Variants in RAD51B observed in about 807,000 individuals in gnomAD.
RAD51B encodes RAD51 paralog B.
Under a neutral mutation model 42.2 loss-of-function variants are expected in RAD51B, and 38 were observed. The ratio of observed to expected loss-of-function variants is 0.90; its 90% CI spans 0.70 to 1.18. The LOEUF (loss-of-function observed/expected upper bound fraction) is 1.18. RAD51B is among the 50% of genes most tolerant of loss of function. The pLI is 0.00. For missense variants in RAD51B, 373 were observed against 400.7 expected (o/e 0.93, Z 0.59); for synonymous variants, 154 against 145.2 (o/e 1.06, Z -0.43).
chr14:68,405,862 C>A (rs1443293584), intron 8 of RAD51B, among the ~76,000 whole-genome samples: 1 of 145,780 alleles, frequency 6.9e-6, no homozygotes, highest in Non-Finnish European at 1.5e-5. Context: ...AGTTTGAGTG[C>A]TTAACTAGCA....
At chr14:68,145,070 T>C (rs1232552937) in intron 7 of RAD51B, among the ~76,000 whole-genome samples, 1 of 152,214 alleles carries the variant, frequency 6.6e-6, no homozygotes, top group Non-Finnish European at 1.5e-5. Flanking sequence ...TGGTAAAACA[T>C]TAGAGCTGGA....
At chr14:67,932,487 G>A (rs1230803078) in intron 7 of RAD51B, among the ~76,000 whole-genome samples, 2 of 152,124 alleles carry the variant, frequency 1.3e-5, no homozygotes, top group Non-Finnish European at 2.9e-5. Context: ...AGCACAGTGT[G>A]CAGTGGCACT....
At chr14:68,312,685 A>G (rs114482704) in intron 8 of RAD51B, among the ~76,000 whole-genome samples, 2,758 of 152,256 alleles carry the variant, frequency 0.018, 81 homozygotes, top group African/African-American at 0.059. Flanking sequence ...ATCAAACTTT[A>G]AATGTTTCTC....
intron 7 of RAD51B, among the ~76,000 whole-genome samples, chr14:68,193,181 A>G (rs2079301473): frequency 1.3e-5 from 2 of 152,106 alleles, no homozygotes; most frequent in Non-Finnish European, 2.9e-5. Context: ...TAGTGTTGTT[A>G]CCCCAGACTA....
intron 7 of RAD51B, among the ~76,000 whole-genome samples, chr14:68,263,540 A>G (rs1007193355): frequency 6.6e-6 from 1 of 152,214 alleles, no homozygotes; most frequent in Non-Finnish European, 1.5e-5. Flanking sequence ...CTAATTTTAC[A>G]TTTTTAGATT....
chr14:67,839,955 TA>T lies in RAD51B; in HGVS notation c.315+4766del, dbSNP rs557337616. On this transcript the variant is annotated intron_variant, in intron 4 of 10. Transcript: ENST00000471583. ...TTTTAAAATATCTAAATTACTTAAT[TA>T]AAAAAATTTATTTTAATTACATTAT... 2.4e-3 allele frequency among the ~76,000 whole-genome samples: 370 copies of T among 152,198 alleles called. 3 individuals are homozygous for T. The highest frequency in any genetic ancestry group is 2.0e-3 in the Non-Finnish European group (138 of 67,984).
At chr14:68,249,285 C>T (rs985597211) in intron 7 of RAD51B, among the ~76,000 whole-genome samples, 16 of 152,058 alleles carry the variant, frequency 1.1e-4, no homozygotes, top group African/African-American at 1.2e-4. Flanking sequence ...ACTTGGGCTG[C>T]GGAAATACTT....
At chr14:68,496,283 C>A (rs1484680302) in intron 10 of RAD51B, among the ~76,000 whole-genome samples, 1 of 152,214 alleles carries the variant, frequency 6.6e-6, no homozygotes, top group Non-Finnish European at 1.5e-5. Context: ...AAATGTAAGA[C>A]CCTTTCCAGC....
chr14:67,872,136 G>A (rs1212953913), intron 5 of RAD51B, among the ~76,000 whole-genome samples: 1 of 150,486 alleles, frequency 6.6e-6, no homozygotes, highest in African/African-American at 2.5e-5. Flanking sequence ...TAGGAAAAGA[G>A]GAAGTCAAAT....
intron 7 of RAD51B, among the ~76,000 whole-genome samples, chr14:67,947,002 T>A (rs1206757834): frequency 6.6e-6 from 1 of 152,224 alleles, no homozygotes; most frequent in East Asian, 1.9e-4. Flanking sequence ...AAAATAGTAA[T>A]CTTTTAATAG....
chr14:67,824,190 G>C (rs981045979), intron 2 of RAD51B, among the ~76,000 whole-genome samples: 1 of 152,208 alleles, frequency 6.6e-6, no homozygotes, highest in Non-Finnish European at 1.5e-5. Flanking sequence ...CTCCCAGCTA[G>C]CTGGGATTAC....
In RAD51B at chr14:67,992,707, T is replaced by C. The variant is rs189465688; in HGVS notation, c.756+105503T>C. On this transcript the variant is annotated intron_variant, in intron 7 of 10. Coordinates refer to ENST00000471583, the MANE Select transcript of RAD51B (RefSeq NM_133510.4). ...TTTATTCTTATCTACTCCTAAAATA[T>C]CTTTATGAAGTTAAAAGGACTTAAC... 2.4e-4 allele frequency among the ~76,000 whole-genome samples: 36 copies of C among 152,288 alleles called. No homozygotes were observed. In the East Asian group the frequency reaches 6.0e-3, roughly 25 times the overall value.
chr14:68,200,369 A>G (rs1225071111), intron 7 of RAD51B, among the ~76,000 whole-genome samples: 2 of 152,230 alleles, frequency 1.3e-5, no homozygotes, highest in Non-Finnish European at 2.9e-5. Context: ...TTCTTGGAGA[A>G]GGCAGTGAAC....
intron 7 of RAD51B, among the ~76,000 whole-genome samples, chr14:67,942,269 A>T (rs1236881950): frequency 6.6e-6 from 1 of 152,194 alleles, no homozygotes; most frequent in East Asian, 1.9e-4. Flanking sequence ...GATTTCTCTG[A>T]ACTTTCCTTT....
chr14:67,894,810 C>G (rs1016113105), intron 7 of RAD51B, among the ~76,000 whole-genome samples: 2 of 152,096 alleles, frequency 1.3e-5, no homozygotes, highest in Admixed American at 6.5e-5. Context: ...GAGACAAGGT[C>G]TCTCTCTTTC....
intron 7 of RAD51B, among the ~76,000 whole-genome samples, chr14:67,972,279 T>C (rs1258262443): frequency 6.6e-6 from 1 of 152,090 alleles, no homozygotes; most frequent in African/African-American, 2.4e-5. Flanking sequence ...AAATAAGATA[T>C]GATTTCTAAA....
chr14:68,359,305 GC>G (rs1566831495), intron 8 of RAD51B, among the ~76,000 whole-genome samples: 1 of 152,084 alleles, frequency 6.6e-6, no homozygotes, highest in Non-Finnish European at 1.5e-5. Context: ...TCCGCCCAGA[GC>G]CCCCAGAAAG....
Position 68,565,098 on chromosome 14 carries a change from T to TAC in RAD51B, c.1037-29374_1037-29373dup, listed in dbSNP as rs147937442. Among the ~76,000 whole-genome samples the TAC allele has an allele frequency of 4.4e-4, 67 of 151,692 alleles. No homozygotes were observed. Among genetic ancestry groups the TAC allele is most frequent in the Middle Eastern group, 3.4e-3 (1 of 294 alleles). ...GACAGGAAAAATACACACACACACA[T>TAC]ACACACACACACACCCCACATGCAC... On this transcript the variant is annotated intron_variant, in intron 10 of 10. Transcript: ENST00000487270. The surrounding 1 kb of genome is among the most constrained non-coding windows in gnomAD (Gnocchi z 4.1).
intron 10 of RAD51B, among the ~76,000 whole-genome samples, chr14:68,544,208 A>C (rs2842330): frequency 0.056 from 8,461 of 152,282 alleles, 326 homozygotes; most frequent in Admixed American, 0.094. Context: ...AAACTGTTTC[A>C]TGAACCCCAG....
Sources: gnomAD v4.1 joint callset for allele counts (sites outside exome capture counted in the v4.1 genomes callset) on GRCh38, gnomAD v4.1.1 for gene constraint, Gnocchi (gnomAD v3.1) non-coding constraint, MANE v1.5 for transcripts, NCBI Gene and HGNC (gene_info 2026-07-23, HGNC 2026-07-21) for gene names.